The following MRPL39 variants were observed in gnomAD, a reference collection of about 807,000 sequenced individuals.
MRPL39 encodes the protein mitochondrial ribosomal protein L39, also known as large ribosomal subunit protein mL39.
Under a neutral mutation model 44.5 loss-of-function variants are expected in MRPL39, and 35 were observed. That is an observed-to-expected ratio of 0.79 (90% CI 0.60 to 1.04). The LOEUF (loss-of-function observed/expected upper bound fraction) is 1.04, where lower values mean the gene tolerates loss of function less well. Ranked by LOEUF, MRPL39 falls within the 50% of genes least tolerant of loss-of-function variation. The pLI, the probability that MRPL39 is intolerant of heterozygous loss-of-function variation, is 0.00. For synonymous variants in MRPL39, 139 were observed against 136.1 expected (o/e 1.02, Z -0.15); for missense variants, 433 against 413.5 (o/e 1.05, Z -0.41).
intron 9 of MRPL39, among the ~76,000 whole-genome samples, chr21:25,587,331 G>A (rs1759086978): frequency 6.6e-6 from 1 of 151,542 alleles, no homozygotes; most frequent in Admixed American, 6.6e-5. Flanking sequence ...AATGATCACT[G>A]TGACCAACTA....
chr21:25,598,856 G>GA (rs57011739), intron 5 of MRPL39, among the ~76,000 whole-genome samples: 19,445 of 136,304 alleles, frequency 0.14, 1,568 homozygotes, highest in South Asian at 0.32. Flanking sequence ...TTACTAAGGG[G>GA]AAAAAAAAAA....
chr21:25,597,029 C>CATGT (rs2031380668), intron 6 of MRPL39, among the ~76,000 whole-genome samples: 1 of 152,072 alleles, frequency 6.6e-6, no homozygotes, highest in Non-Finnish European at 1.5e-5. Context: ...ATTATCACTT[C>CATGT]ACACTAGAAA....
Position 25,588,853 on chromosome 21 carries a change from C to T in MRPL39, c.951G>A (p.Leu317=). 1 of 1,612,698 alleles carries T rather than the reference C, an allele frequency of 6.2e-7. No individual in the cohort carries two copies. The change falls in exon 9 of 10, where the codon TTG becomes TTA. Residue 317 remains leucine (L), a synonymous_variant. Coordinates refer to ENST00000352957, the MANE Select transcript of MRPL39 (RefSeq NM_017446.4). ...RAHFTIWDKL[L]ERSRKMVTED... is the part of the protein sequence containing the mutation. ...CACTTACCATTTTCCGAGATCTTTC[C>T]AATAGCTTATCCCATATTGTAAAAT... is the stretch of plus-strand genomic sequence containing the variant.
In MRPL39 at chr21:25,603,863, G is replaced by A; in HGVS notation, c.353C>T (p.Pro118Leu). 1 of 1,612,842 alleles carries A rather than the reference G, an allele frequency of 6.2e-7. No individual in the cohort carries two copies. Among genetic ancestry groups the A allele is most frequent in the Non-Finnish European group, 8.5e-7 (1 of 1,179,180 alleles). ...VDGQPWDMYK[P>L]LTKSCEIKFL... is the part of the protein sequence containing the mutation. ...TTTAATTTCACAGGACTTTGTTAAAGGCTTATACATGTCCCAAGGCTGTCC... is the reference window on the plus strand; with the variant it reads ...TTTAATTTCACAGGACTTTGTTAAAAGCTTATACATGTCCCAAGGCTGTCC... Residue 118 changes from proline (P) to leucine (L), a missense_variant, in exon 3 of 10, where the codon CCT (proline) becomes CTT (leucine). Physicochemically the swap from Pro to Leu is moderately conservative, Grantham distance 98 (BLOSUM62 -3). Coordinates refer to ENST00000352957, the MANE Select transcript of MRPL39 (RefSeq NM_017446.4).
chr21:25,599,662 A>G (rs2031463754), intron 5 of MRPL39, 137 bp downstream of exon 5: 1 of 688,602 alleles, frequency 1.5e-6, no homozygotes. Flanking sequence ...AGACAGATAC[A>G]TAGATACATA....
chr21:25,587,797 G>C, intron 9 of MRPL39: 1 of 1,595,300 alleles, frequency 6.3e-7, no homozygotes, highest in Admixed American at 1.7e-5. Context: ...AGTCTAGAAA[G>C]AAAAACTATC....
Position 25,606,574 on chromosome 21 carries a change from T to G in MRPL39, c.155A>C (p.Lys52Thr). 3 of 1,613,908 alleles carry G rather than the reference T, an allele frequency of 1.9e-6. No homozygotes were observed. The highest frequency in any genetic ancestry group is 2.5e-6 in the Non-Finnish European group (3 of 1,179,740). The change falls in exon 2 of 10, where the codon AAA becomes ACA. Residue 52 changes from lysine (K) to threonine (T), a missense_variant. Transcript: ENST00000352957. Reference protein sequence around the residue: ...EMRNDLFNKEKARQLSLTPRT... With the variant: ...EMRNDLFNKETARQLSLTPRT... ...GGGAGTTAATGATAACTGCCTGGCTTTCTCTTTATTAAAGAGATCATTCCG... is the reference window on the plus strand; with the variant it reads ...GGGAGTTAATGATAACTGCCTGGCTGTCTCTTTATTAAAGAGATCATTCCG...
chr21:25,587,809 T>G (rs1252539859), intron 9 of MRPL39: 24 of 1,565,472 alleles, frequency 1.5e-5, no homozygotes, highest in Non-Finnish European at 1.8e-5. Flanking sequence ...AAAACTATCA[T>G]GAAGAAATAA....
intron 8 of MRPL39, among the ~76,000 whole-genome samples, chr21:25,592,438 T>A (rs755236755): frequency 6.6e-6 from 1 of 152,094 alleles, no homozygotes. Flanking sequence ...ATGTGGAAAA[T>A]GTCAGGCTTC....
At chr21:25,600,390 C>T (rs111776511) in intron 4 of MRPL39, among the ~76,000 whole-genome samples, 10,625 of 39,646 alleles carry the variant, frequency 0.27, 1,125 homozygotes, top group East Asian at 0.41. Flanking sequence ...AGCGAGACTC[C>T]GTCTTAAAAA....
intron 9 of MRPL39, among the ~76,000 whole-genome samples, chr21:25,588,469 T>C (rs866717852): frequency 3.3e-5 from 5 of 152,218 alleles, no homozygotes; most frequent in Non-Finnish European, 7.3e-5. Flanking sequence ...GGCTTTAAAA[T>C]ACACCTGACA....
intron 9 of MRPL39, chr21:25,587,589 G>T: frequency 1.1e-6 from 1 of 894,966 alleles, no homozygotes; most frequent in Non-Finnish European, 1.7e-6. Flanking sequence ...AATCCTGAAA[G>T]GCTTAACAGA....
chr21:25,598,343 G>C (rs2031420829), intron 5 of MRPL39, among the ~76,000 whole-genome samples: 1 of 151,518 alleles, frequency 6.6e-6, no homozygotes, highest in Non-Finnish European at 1.5e-5. Context: ...GCATACACCT[G>C]CAGTCCCAGC....
In MRPL39 at chr21:25,603,729, A is replaced by G. The variant is rs2031585051; in HGVS notation, c.420+67T>C. 2.0e-6 allele frequency: 3 copies of G among 1,471,654 alleles called. No homozygotes were observed. The Admixed American group carries it at 6.5e-5, about 32-fold the overall frequency. The allele number at this position is 1,471,654 out of a possible 1,614,324, so 91.2% of individuals were successfully genotyped here. A position where few individuals can be genotyped will look rare whatever the true frequency, so the allele number is the denominator to read the frequency against. The stretch of plus-strand genomic sequence containing the variant: ...CATATTTTTACATTACACCCCATAG[A>G]AAACAGGTCTTAATAAAAAGGTGAA... On this transcript the variant is annotated intron_variant, in intron 3 of 9. Coordinates refer to ENST00000352957, the MANE Select transcript of MRPL39 (RefSeq NM_017446.4).
At chr21:25,600,298 A>T (rs1426561844) in intron 4 of MRPL39, among the ~76,000 whole-genome samples, 1 of 148,882 alleles carries the variant, frequency 6.7e-6, no homozygotes, top group Non-Finnish European at 1.5e-5. Context: ...TGGGAGTCTG[A>T]GGCAGAAGAA....
intron 5 of MRPL39, 21 bp from the exon 6 acceptor site, chr21:25,597,435 C>T (rs754961997): frequency 4.0e-5 from 53 of 1,336,866 alleles, no homozygotes. Flanking sequence ...AAAGTAATAA[C>T]CTTTAGTAAC....
chr21:25,597,449 T>TCACTGAAAAGCATTTCTCC (rs2031396038), intron 5 of MRPL39, 35 bp from the exon 6 acceptor site: 1 of 1,222,056 alleles, frequency 8.2e-7, no homozygotes, highest in Non-Finnish European at 1.2e-6. Context: ...TAGTAACAAT[T>TCACTGAAAAGCATTTCTCC]CACTGAAAAG....
rs774743396 is a variant in MRPL39 at position 25,593,967 on chromosome 21, C to A, written c.702-9G>T. On this transcript the variant is annotated splice_polypyrimidine_tract_variant and intron_variant, in intron 6 of 9. Coordinates refer to ENST00000352957, the MANE Select transcript of MRPL39 (RefSeq NM_017446.4). ...TGAAATCTACTTTGTACCTGAAAAG[C>A]AGCAAAGAAAAAAACATTTTTTTAA... 1.2e-6 allele frequency: 2 copies of A among 1,610,634 alleles called. No individual in the cohort carries two copies. The highest frequency in any genetic ancestry group is 1.7e-6 in the Non-Finnish European group (2 of 1,178,868).
chr21:25,587,735 G>A lies in MRPL39; in HGVS notation c.969+1100C>T, dbSNP rs763126150. On this transcript the variant is annotated intron_variant, in intron 9 of 9. Coordinates refer to ENST00000352957, the MANE Select transcript of MRPL39 (RefSeq NM_017446.4). The stretch of plus-strand genomic sequence containing the variant: ...GTTCCATGGAGGAGGTACGACTCAG[G>A]CGAGGTAGTGAAGAATGACTGCGTA... The A allele has an allele frequency of 4.3e-6, 7 of 1,612,926 alleles. No homozygotes were observed. In the South Asian group the frequency reaches 7.7e-5, roughly 18 times the overall value.
Sources: allele counts gnomAD v4.1 joint callset (sites outside exome capture counted in the v4.1 genomes callset), GRCh38; gene constraint gnomAD v4.1.1; transcripts MANE v1.5; gene names NCBI Gene and HGNC (gene_info 2026-07-23, HGNC 2026-07-21).